The following AKAP6 variants were observed in gnomAD, a reference collection of about 807,000 sequenced individuals.
The protein encoded by AKAP6 is A-kinase anchor protein 6.
A neutral mutation model predicts 188.5 loss-of-function variants in AKAP6; 58 were observed. That is an observed-to-expected ratio of 0.31 (90% CI 0.25 to 0.38). The LOEUF is 0.38. Ranked by LOEUF, AKAP6 falls within the 10% of genes least tolerant of loss-of-function variation. The probability of loss-of-function intolerance (pLI) is 1.00; values close to 1 mark genes in which losing one functional copy is unlikely to be tolerated. For missense variants in AKAP6, 2,710 were observed against 2,740.0 expected (o/e 0.99, Z 0.24); for synonymous variants, 989 against 998.6 (o/e 0.99, Z 0.18).
chr14:32,470,671 G>A (rs7149947), intron 2 of AKAP6, among the ~76,000 whole-genome samples: 45,420 of 152,104 alleles, frequency 0.3, 10,315 homozygotes, highest in African/African-American at 0.64. Flanking sequence ...TGATAGAATC[G>A]TAGTTTGAAC....
intron 7 of AKAP6, among the ~76,000 whole-genome samples, chr14:32,675,223 C>T (rs1348145316): frequency 6.6e-6 from 1 of 152,180 alleles, no homozygotes; most frequent in African/African-American, 2.4e-5. Flanking sequence ...TTCCTATATT[C>T]CTACTCCTAT....
intron 7 of AKAP6, among the ~76,000 whole-genome samples, chr14:32,653,748 A>G (rs996262570): frequency 1.3e-5 from 2 of 152,222 alleles, no homozygotes; most frequent in Non-Finnish European, 2.9e-5. Context: ...GAGAAGTATT[A>G]AGTAATAAGT....
At chr14:32,739,296 A>G (rs1402789858) in intron 11 of AKAP6, among the ~76,000 whole-genome samples, 2 of 152,052 alleles carry the variant, frequency 1.3e-5, no homozygotes, top group South Asian at 2.1e-4. Flanking sequence ...TTTTTGTTAC[A>G]GACATGCAAT....
At chr14:32,343,418 G>A (rs1886955803) in intron 1 of AKAP6, among the ~76,000 whole-genome samples, 2 of 151,776 alleles carry the variant, frequency 1.3e-5, no homozygotes, top group African/African-American at 4.8e-5. Context: ...CCAGACCTGT[G>A]GCATATCGGT....
chr14:32,773,597 T>C lies in AKAP6; in HGVS notation c.3373-81T>C, dbSNP rs1019544516. On this transcript the variant is annotated intron_variant, in intron 11 of 13. Coordinates refer to ENST00000280979, the MANE Select transcript of AKAP6 (RefSeq NM_004274.5). ...CTGAGTGTATCACTACAATTTGAAATTATGATGGAAGAAGGTGTTTCATGT... is the reference window on the plus strand; with the variant it reads ...CTGAGTGTATCACTACAATTTGAAACTATGATGGAAGAAGGTGTTTCATGT... The C allele has an allele frequency of 6.1e-6, 8 of 1,309,024 alleles. No individual in the cohort carries two copies. The African/African-American group carries it at 1.2e-4, about 19-fold the overall frequency. The allele number at this position is 1,309,024 out of a possible 1,614,324, so 81.1% of individuals were successfully genotyped here. A position where few individuals can be genotyped will look rare whatever the true frequency, so the allele number is the denominator to read the frequency against.
chr14:32,696,463 A>G (rs1334783062), intron 9 of AKAP6, among the ~76,000 whole-genome samples: 2 of 152,240 alleles, frequency 1.3e-5, no homozygotes, highest in East Asian at 1.9e-4. Context: ...GTACGATTGG[A>G]GCACTCAGGT....
intron 1 of AKAP6, among the ~76,000 whole-genome samples, chr14:32,337,979 C>A (rs1296113414): frequency 1.3e-5 from 2 of 152,072 alleles, no homozygotes; most frequent in Non-Finnish European, 2.9e-5. Context: ...ATGATTGCAT[C>A]ACTGCACTCC....
At chr14:32,670,875 G>A (rs1889160762) in intron 7 of AKAP6, among the ~76,000 whole-genome samples, 1 of 152,068 alleles carries the variant, frequency 6.6e-6, no homozygotes, top group African/African-American at 2.4e-5. Context: ...CAAACTAACT[G>A]TTTTATTTCT....
At chr14:32,624,749 A>G (rs1264123887) in intron 7 of AKAP6, among the ~76,000 whole-genome samples, 1 of 152,154 alleles carries the variant, frequency 6.6e-6, no homozygotes, top group Non-Finnish European at 1.5e-5. Context: ...TTTTATTCTC[A>G]AAAATCACAT....
intron 1 of AKAP6, among the ~76,000 whole-genome samples, chr14:32,420,126 C>T (rs1889792801): frequency 6.6e-6 from 1 of 152,086 alleles, no homozygotes; most frequent in South Asian, 2.1e-4. Context: ...GGTTTCTTAA[C>T]ATACACAACA....
At position 32,546,230 on chromosome 14, in the gene AKAP6, G is replaced by C; in HGVS notation, c.1577G>C (p.Ser526Thr). 1 of 1,614,118 alleles carries C rather than the reference G, an allele frequency of 6.2e-7. No individual in the cohort carries two copies. Among genetic ancestry groups the C allele is most frequent in the Non-Finnish European group, 8.5e-7 (1 of 1,180,010 alleles). Residue 526 changes from serine to threonine, a missense_variant, in exon 4 of 14, where the codon AGC (serine) becomes ACC (threonine). Coordinates refer to ENST00000280979, the MANE Select transcript of AKAP6 (RefSeq NM_004274.5). ...GSGKQAKNTK[S>T]SAVPNGELSY... is the part of the protein sequence containing the mutation. Reference sequence around the variant, plus strand: ...GGCAAACAAGCTAAAAATACAAAGAGCTCAGCAGTGCCAAATGGAGAGCTT... The same window carrying C: ...GGCAAACAAGCTAAAAATACAAAGACCTCAGCAGTGCCAAATGGAGAGCTT...
intron 12 of AKAP6, among the ~76,000 whole-genome samples, chr14:32,775,775 C>G (rs1231236849): frequency 6.6e-6 from 1 of 152,044 alleles, no homozygotes; most frequent in Non-Finnish European, 1.5e-5. Flanking sequence ...TTTGAGGCAA[C>G]CCTGGCTGCT....
intron 10 of AKAP6, among the ~76,000 whole-genome samples, chr14:32,735,194 C>T (rs1361103919): frequency 1.3e-5 from 2 of 152,050 alleles, no homozygotes; most frequent in African/African-American, 2.4e-5. Flanking sequence ...TTTAATTCTC[C>T]GTGTTTGATC....
At chr14:32,534,705 C>A (rs550396113) in intron 2 of AKAP6, among the ~76,000 whole-genome samples, 1 of 151,962 alleles carries the variant, frequency 6.6e-6, no homozygotes, top group African/African-American at 2.4e-5. Context: ...GTGGCTCAGG[C>A]CTGTAATCCC....
intron 1 of AKAP6, among the ~76,000 whole-genome samples, chr14:32,386,507 C>A (rs753853431): frequency 5.9e-5 from 9 of 152,050 alleles, no homozygotes; most frequent in African/African-American, 2.2e-4. Context: ...GGATATTAGT[C>A]CACAGTCAGA....
intron 2 of AKAP6, among the ~76,000 whole-genome samples, chr14:32,507,185 T>C (rs1880924210): frequency 6.6e-6 from 1 of 152,186 alleles, no homozygotes; most frequent in Non-Finnish European, 1.5e-5. Context: ...AGTCAGGTAA[T>C]TATAGCATAG....
At chr14:32,522,176 C>T (rs1210772712) in intron 2 of AKAP6, among the ~76,000 whole-genome samples, 1 of 152,148 alleles carries the variant, frequency 6.6e-6, no homozygotes, top group Non-Finnish European at 1.5e-5. Context: ...ACACCTTATA[C>T]AAAAATTAAT....
intron 1 of AKAP6, among the ~76,000 whole-genome samples, chr14:32,423,344 T>C (rs1436137354): frequency 6.6e-6 from 1 of 152,018 alleles, no homozygotes; most frequent in East Asian, 1.9e-4. Context: ...TAAGTTTTTG[T>C]ATTTTTGTGT....
At chr14:32,410,412 T>G (rs754792686) in intron 1 of AKAP6, among the ~76,000 whole-genome samples, 13 of 152,174 alleles carry the variant, frequency 8.5e-5, no homozygotes, top group Non-Finnish European at 1.5e-4. Context: ...CTCCCCACTT[T>G]GAGTTGTCCT....
Sources: allele counts gnomAD v4.1 joint callset (sites outside exome capture counted in the v4.1 genomes callset), GRCh38; gene constraint gnomAD v4.1.1; transcripts MANE v1.5; gene names NCBI Gene and HGNC (gene_info 2026-07-23, HGNC 2026-07-21).